The following ANO3 variants were observed in gnomAD, a reference collection of about 807,000 sequenced individuals.
ANO3 encodes the protein anoctamin-3.
Under a neutral mutation model 144.8 loss-of-function variants are expected in ANO3, and 99 were observed. The observed-to-expected ratio is 0.68, with a 90% CI of 0.58 to 0.81. The LOEUF (loss-of-function observed/expected upper bound fraction) is 0.81. Ranked by LOEUF, ANO3 falls within the 30% of genes least tolerant of loss-of-function variation. The pLI is 0.00. For synonymous variants in ANO3, 414 were observed against 392.6 expected, an observed-to-expected ratio of 1.05 and a Z score of -0.64; for missense variants, 905 against 1,202.2, an observed-to-expected ratio of 0.75 and a Z score of 3.66.
intron 4 of ANO3, among the ~76,000 whole-genome samples, chr11:26,466,121 G>A (rs890214718): frequency 2.0e-5 from 3 of 151,816 alleles, no homozygotes; most frequent in Admixed American, 2.0e-4. Flanking sequence ...GCTTGGTATG[G>A]TACTTTAGGA....
chr11:26,407,068 G>GTATATATATA (rs760132418), intron 1 of ANO3, among the ~76,000 whole-genome samples: 6,325 of 95,384 alleles, frequency 0.066, 276 homozygotes, highest in Non-Finnish European at 0.1. Context: ...GTGTGTGTGT[G>GTATATATATA]TGTGTGTGTA....
chr11:26,490,887 T>G (rs1280836880), intron 4 of ANO3, among the ~76,000 whole-genome samples: 1 of 152,224 alleles, frequency 6.6e-6, no homozygotes, highest in Non-Finnish European at 1.5e-5. Flanking sequence ...TGAACAGCGT[T>G]TTAATTGGCC....
chr11:26,391,504 A>T (rs1204100566), intron 1 of ANO3, among the ~76,000 whole-genome samples: 1 of 152,142 alleles, frequency 6.6e-6, no homozygotes, highest in Non-Finnish European at 1.5e-5. Context: ...ATCCTTTAAG[A>T]GTCAAGGGAA....
intron 7 of ANO3, among the ~76,000 whole-genome samples, chr11:26,528,580 T>C (rs544642200): frequency 1.6e-3 from 249 of 152,308 alleles, no homozygotes; most frequent in African/African-American, 5.7e-3. Flanking sequence ...TAAGTGTAAT[T>C]AGAATGCTTC....
At chr11:26,620,342 A>G (rs562367328) in intron 17 of ANO3, among the ~76,000 whole-genome samples, 2 of 152,348 alleles carry the variant, frequency 1.3e-5, no homozygotes, top group African/African-American at 2.4e-5. Context: ...TAAGAAATAT[A>G]TAGAAACATC....
At chr11:26,650,872 C>T (rs1372298411) in intron 24 of ANO3, among the ~76,000 whole-genome samples, 2 of 152,126 alleles carry the variant, frequency 1.3e-5, no homozygotes, top group Non-Finnish European at 2.9e-5. Flanking sequence ...TAATGATTGC[C>T]AGACAAACTA....
At chr11:26,572,219 G>C (rs1377249678) in intron 14 of ANO3, 1 of 985,318 alleles carries the variant, frequency 1.0e-6, no homozygotes. Context: ...TTGTGTAACA[G>C]AGCGCCCAGG....
chr11:26,294,592 C>A (rs955768444), intron 1 of ANO3, among the ~76,000 whole-genome samples: 3 of 152,130 alleles, frequency 2.0e-5, no homozygotes, highest in Admixed American at 2.0e-4. Context: ...TAGGATTAAG[C>A]AACTTCTGCA....
intron 4 of ANO3, among the ~76,000 whole-genome samples, chr11:26,471,793 A>C (rs1453075019): frequency 1.3e-5 from 2 of 151,960 alleles, no homozygotes; most frequent in East Asian, 3.9e-4. Flanking sequence ...CTATTTAGGA[A>C]GTCGTATTTC....
At chr11:26,498,287 C>G (rs1325392621) in intron 4 of ANO3, among the ~76,000 whole-genome samples, 1 of 151,832 alleles carries the variant, frequency 6.6e-6, no homozygotes, top group Non-Finnish European at 1.5e-5. Context: ...GTTATAATAA[C>G]TATAGGGTGT....
At chr11:26,643,471 G>A (rs776991323) in intron 23 of ANO3, 137 bp downstream of exon 23, 146 of 1,100,856 alleles carry the variant, frequency 1.3e-4, no homozygotes, top group Non-Finnish European at 1.7e-4. Context: ...AAGTGATTAA[G>A]CTGGCCGGGC....
upstream of ANO3, among the ~76,000 whole-genome samples, chr11:26,329,410 C>A (rs537396520): frequency 1.1e-4 from 17 of 151,956 alleles, no homozygotes; most frequent in African/African-American, 4.1e-4. Flanking sequence ...TTCCTCGGCC[C>A]CTCACAAAGC....
intron 14 of ANO3, among the ~76,000 whole-genome samples, chr11:26,598,084 G>T (rs1458850598): frequency 6.6e-6 from 1 of 152,048 alleles, no homozygotes; most frequent in Non-Finnish European, 1.5e-5. Context: ...TCAATATTTA[G>T]CTCAGTAATA....
chr11:26,614,098 C>T (rs1019620274), intron 17 of ANO3, among the ~76,000 whole-genome samples: 1 of 152,194 alleles, frequency 6.6e-6, no homozygotes, highest in African/African-American at 2.4e-5. Context: ...ACTGCTGCTG[C>T]AGGACCCGCT....
intron 12 of ANO3, among the ~76,000 whole-genome samples, chr11:26,552,205 G>A (rs10501051): frequency 0.27 from 40,486 of 151,936 alleles, 5,544 homozygotes; most frequent in African/African-American, 0.31. Flanking sequence ...TTTGCCCGCT[G>A]TAAAGCATCA....
At chr11:26,659,076 C>CCACACACA (rs1353990869) in intron 26 of ANO3, among the ~76,000 whole-genome samples, 1 of 99,396 alleles carries the variant, frequency 1.0e-5, no homozygotes, top group Non-Finnish European at 2.4e-5. Flanking sequence ...AATCCTTGAG[C>CCACACACA]CATACACACA....
At chr11:26,349,725 T>TAC (rs1469043493) in intron 1 of ANO3, among the ~76,000 whole-genome samples, 4 of 152,004 alleles carry the variant, frequency 2.6e-5, no homozygotes, top group Non-Finnish European at 4.4e-5. Context: ...ATTTTTTGTA[T>TAC]TTTTAGTAGA....
chr11:26,470,693 T>C (rs1263550494), intron 4 of ANO3, among the ~76,000 whole-genome samples: 15 of 151,948 alleles, frequency 9.9e-5, no homozygotes. Flanking sequence ...TCTATAAAAA[T>C]ATCTAGCTGG....
intron 1 of ANO3, among the ~76,000 whole-genome samples, chr11:26,209,562 T>C (rs12222973): frequency 0.016 from 2,324 of 149,246 alleles, 52 homozygotes; most frequent in East Asian, 0.13. Flanking sequence ...CCTTCAGGAA[T>C]TGCCACACTG....
Sources: allele counts gnomAD v4.1 joint callset (sites outside exome capture counted in the v4.1 genomes callset), GRCh38; gene constraint gnomAD v4.1.1; transcripts MANE v1.5; gene names NCBI Gene and HGNC (gene_info 2026-07-23, HGNC 2026-07-21).